Variants in GLIS3 observed in about 807,000 individuals in gnomAD.
GLIS3 encodes GLIS family zinc finger 3.
Under a neutral mutation model 78.6 loss-of-function variants are expected in GLIS3, and 53 were observed. The observed-to-expected ratio is 0.67, with a 90% CI of 0.54 to 0.85. The LOEUF is 0.85. Ranked by LOEUF, GLIS3 falls within the 40% of genes least tolerant of loss-of-function variation. The pLI, the probability that GLIS3 is intolerant of heterozygous loss-of-function variation, is 0.00. For synonymous variants in GLIS3, 684 were observed against 509.9 expected, an observed-to-expected ratio of 1.34 and a Z score of -4.60; for missense variants, 1,703 against 1,231.1, an observed-to-expected ratio of 1.38 and a Z score of -5.74.
intron 2 of GLIS3, among the ~76,000 whole-genome samples, chr9:4,223,345 T>C (rs1433960031): frequency 1.3e-5 from 2 of 152,300 alleles, no homozygotes; most frequent in Middle Eastern, 3.4e-3. Flanking sequence ...AGCCTAACAC[T>C]GCTTCTAATA....
intron 9 of GLIS3, among the ~76,000 whole-genome samples, chr9:3,850,762 G>A (rs1008222279): frequency 5.9e-5 from 9 of 152,258 alleles, no homozygotes; most frequent in Non-Finnish European, 1.2e-4. Flanking sequence ...CTTAACCTGT[G>A]TACTCCAGCC....
intron 4 of GLIS3, chr9:4,036,107 G>A (rs1196222731): frequency 1.3e-5 from 2 of 152,294 alleles, no homozygotes; most frequent in African/African-American, 4.8e-5. Flanking sequence ...GCTTTTCACA[G>A]GGAATTACCA....
the GLIS3 span, among the ~76,000 whole-genome samples, chr9:4,391,550 G>GGGGTGTGTGTGTGT: frequency 9.6e-5 from 14 of 146,086 alleles, no homozygotes; most frequent in African/African-American, 3.1e-4. Context: ...TTCTAAGAGG[G>GGGGTGTGTGTGTGT]GTGTGTGTGT....
intron 2 of GLIS3, chr9:4,285,576 T>G (rs1827913360): frequency 6.5e-6 from 1 of 153,096 alleles, no homozygotes; most frequent in Non-Finnish European, 1.5e-5. Context: ...TTTCCCTTTT[T>G]TATTCTTTTC....
At chr9:4,009,439 G>C (rs1048036970) in intron 4 of GLIS3, among the ~76,000 whole-genome samples, 1 of 152,200 alleles carries the variant, frequency 6.6e-6, no homozygotes, top group Non-Finnish European at 1.5e-5. Context: ...CTGCTGGCCA[G>C]CAAGGTGCAG....
intron 4 of GLIS3, among the ~76,000 whole-genome samples, chr9:3,953,849 A>T (rs1306162395): frequency 2.8e-5 from 4 of 145,422 alleles, no homozygotes; most frequent in Non-Finnish European, 4.6e-5. Flanking sequence ...ACACACAGAC[A>T]CAGTCACACA....
chr9:3,898,722 G>A lies in GLIS3; in HGVS notation c.2097C>T (p.Arg699=). The part of the protein sequence containing the change: ...RDAAAEGTVG[R]SPGPGPDLYS... ...AGAGGTCAGGCCCGGGTCCAGGGGAGCGTCCCACGGTCCCTTCAGCAGCAG... is the reference window on the plus strand; with the variant it reads ...AGAGGTCAGGCCCGGGTCCAGGGGAACGTCCCACGGTCCCTTCAGCAGCAG... Residue 699 remains arginine (R), a synonymous_variant, in exon 7 of 11, where the codon CGC becomes CGT. Transcript: ENST00000381971. The A allele has an allele frequency of 6.2e-7, 1 of 1,614,188 alleles. No individual in the cohort carries two copies. Among genetic ancestry groups the A allele is most frequent in the East Asian group, 2.2e-5 (1 of 44,884 alleles).
At chr9:4,236,685 C>G (rs1822783074) in intron 2 of GLIS3, among the ~76,000 whole-genome samples, 1 of 152,188 alleles carries the variant, frequency 6.6e-6, no homozygotes, top group African/African-American at 2.4e-5. Context: ...GCCTCATTTA[C>G]TCATAAATAT....
At chr9:4,269,541 TAAATC>T (rs768371837) in intron 2 of GLIS3, among the ~76,000 whole-genome samples, 42 of 152,208 alleles carry the variant, frequency 2.8e-4, no homozygotes, top group Admixed American at 5.9e-4. Flanking sequence ...ACGATCTACT[TAAATC>T]ATCAGAATTT....
intron 2 of GLIS3, among the ~76,000 whole-genome samples, chr9:4,200,400 A>G (rs1819267435): frequency 6.6e-6 from 1 of 152,186 alleles, no homozygotes; most frequent in Non-Finnish European, 1.5e-5. Flanking sequence ...AGATTGGTAG[A>G]CTACTAGCTA....
At chr9:4,360,801 AAG>A in the GLIS3 span, among the ~76,000 whole-genome samples, 8 of 152,306 alleles carry the variant, frequency 5.3e-5, no homozygotes, top group East Asian at 1.5e-3. Flanking sequence ...GTGCTGCAGA[AAG>A]AGTTGTTCAC....
At chr9:4,259,739 G>A (rs1475407693) in intron 2 of GLIS3, among the ~76,000 whole-genome samples, 1 of 152,166 alleles carries the variant, frequency 6.6e-6, no homozygotes, top group African/African-American at 2.4e-5. Context: ...GGGGTGGGGT[G>A]GGCAGCACCC....
intron 1 of GLIS3, among the ~76,000 whole-genome samples, chr9:4,295,638 G>C (rs998875310): frequency 6.6e-6 from 1 of 152,206 alleles, no homozygotes; most frequent in Admixed American, 6.5e-5. Context: ...TAACTAGAAT[G>C]GAGTGTGAGA....
intron 4 of GLIS3, among the ~76,000 whole-genome samples, chr9:4,036,265 C>T (rs923372556): frequency 6.6e-6 from 1 of 152,072 alleles, no homozygotes; most frequent in Non-Finnish European, 1.5e-5. Flanking sequence ...ACACAGAAAT[C>T]AAATCTCTTT....
At chr9:3,921,033 A>G (rs1451824861) in intron 6 of GLIS3, among the ~76,000 whole-genome samples, 1 of 152,178 alleles carries the variant, frequency 6.6e-6, no homozygotes, top group Non-Finnish European at 1.5e-5. Context: ...TTGCATCACA[A>G]CCCTACGGGA....
At chr9:4,199,220 C>T (rs138527751) in intron 2 of GLIS3, among the ~76,000 whole-genome samples, 1 of 152,072 alleles carries the variant, frequency 6.6e-6, no homozygotes, top group Non-Finnish European at 1.5e-5. Context: ...TCAGTATTAA[C>T]CCTGAATGAA....
At chr9:4,485,852 G>C in the GLIS3 span, among the ~76,000 whole-genome samples, 1 of 151,868 alleles carries the variant, frequency 6.6e-6, no homozygotes, top group Admixed American at 6.6e-5. Flanking sequence ...CTCCCAAGTA[G>C]CTGGAATTAT....
chr9:3,891,779 C>CCTAGATCATTATGAATCAG lies in GLIS3; in HGVS notation c.2128+6911_2128+6912insCTGATTCATAATGATCTAG, dbSNP rs1237513644. On this transcript the variant is annotated intron_variant, in intron 7 of 10. Transcript: ENST00000381971. ...TCCGAACTGCCTTAGTCCTCCAGAA[C>CCTAGATCATTATGAATCAG]TATGAATCCTAGATCATTACTTTCC... Among the ~76,000 whole-genome samples the CCTAGATCATTATGAATCAG allele has an allele frequency of 5.2e-3, 798 of 152,258 alleles. 6 individuals carry two copies. Among genetic ancestry groups the CCTAGATCATTATGAATCAG allele is most frequent in the African/African-American group, 0.018 (763 of 41,562 alleles).
chr9:4,066,900 T>A (rs1827146893), intron 4 of GLIS3, among the ~76,000 whole-genome samples: 2 of 152,108 alleles, frequency 1.3e-5, no homozygotes, highest in Admixed American at 1.3e-4. Flanking sequence ...CATCTTTCCG[T>A]GGATCAGCCC....
Sources: allele counts gnomAD v4.1 joint callset (sites outside exome capture counted in the v4.1 genomes callset), GRCh38; gene constraint gnomAD v4.1.1; transcripts MANE v1.5; gene names NCBI Gene and HGNC (gene_info 2026-07-23, HGNC 2026-07-21).